Variants in SGCD observed in about 807,000 individuals in gnomAD.
The protein encoded by SGCD is delta-sarcoglycan.
Under a neutral mutation model 36.6 loss-of-function variants are expected in SGCD, and 18 were observed. That is an observed-to-expected ratio of 0.49 (90% CI 0.34 to 0.73). The LOEUF is 0.73. Ranked by LOEUF, SGCD falls within the 30% of genes least tolerant of loss-of-function variation. SGCD has a pLI of 0.01. For missense variants in SGCD, 387 were observed against 346.7 expected, an observed-to-expected ratio of 1.12 and a Z score of -0.92; for synonymous variants, 133 against 130.6, an observed-to-expected ratio of 1.02 and a Z score of -0.12.
intron 3 of SGCD, among the ~76,000 whole-genome samples, chr5:156,139,890 C>T (rs1487590322): frequency 6.6e-6 from 1 of 152,116 alleles, no homozygotes; most frequent in Non-Finnish European, 1.5e-5. Context: ...GGTTTCATCC[C>T]TCAGGAATGA....
intron 1 of SGCD, among the ~76,000 whole-genome samples, chr5:156,095,775 G>A (rs1581096665): frequency 6.6e-6 from 1 of 152,316 alleles, no homozygotes; most frequent in African/African-American, 2.4e-5. Flanking sequence ...TGGGTAAAGA[G>A]TCCCACAGCC....
At chr5:155,884,176 C>G (rs768689673) in intron 1 of SGCD, among the ~76,000 whole-genome samples, 12 of 152,110 alleles carry the variant, frequency 7.9e-5, no homozygotes, top group African/African-American at 2.7e-4. Context: ...AATCCTTTAC[C>G]GAGGTGATTC....
At chr5:156,011,726 C>T (rs112532353) in intron 1 of SGCD, among the ~76,000 whole-genome samples, 52 of 152,266 alleles carry the variant, frequency 3.4e-4, no homozygotes, top group African/African-American at 1.3e-3. Flanking sequence ...GCGTGCGCCT[C>T]GGTGCCTGGC....
chr5:156,583,398 C>T (rs1760363564), intron 4 of SGCD, among the ~76,000 whole-genome samples: 1 of 152,166 alleles, frequency 6.6e-6, no homozygotes, highest in South Asian at 2.1e-4. Context: ...TTCTCATTCC[C>T]AAGCCCCATC....
intron 3 of SGCD, among the ~76,000 whole-genome samples, chr5:156,350,316 G>C (rs1444645387): frequency 7.0e-6 from 1 of 142,832 alleles, no homozygotes; most frequent in African/African-American, 2.5e-5. Flanking sequence ...TGATTATTTT[G>C]TATGTTTGGT....
At chr5:156,471,821 A>C (rs1754977477) in intron 3 of SGCD, among the ~76,000 whole-genome samples, 1 of 152,136 alleles carries the variant, frequency 6.6e-6, no homozygotes, top group South Asian at 2.1e-4. Context: ...TCATCAAAAG[A>C]CACCATTAAG....
intron 7 of SGCD, among the ~76,000 whole-genome samples, chr5:156,727,561 C>G (rs905810046): frequency 2.0e-5 from 3 of 152,130 alleles, no homozygotes; most frequent in Non-Finnish European, 2.9e-5. Context: ...AAAAACTCAG[C>G]AGAAGTTGGC....
At chr5:156,177,193 G>A (rs1316580815) in intron 3 of SGCD, among the ~76,000 whole-genome samples, 1 of 151,858 alleles carries the variant, frequency 6.6e-6, no homozygotes, top group Non-Finnish European at 1.5e-5. Context: ...GTAGAGACGG[G>A]GTTTTACCAT....
chr5:156,564,982 G>A (rs1309715712), intron 4 of SGCD, among the ~76,000 whole-genome samples: 2 of 152,154 alleles, frequency 1.3e-5, no homozygotes, highest in African/African-American at 2.4e-5. Context: ...GAGATTCAAA[G>A]TCAGAAAGTC....
Position 156,760,226 on chromosome 5 carries a change from C to CTGTT in SGCD, c.*838_*841dup, listed in dbSNP as rs1327937996. On this transcript the variant is annotated 3_prime_UTR_variant, in exon 9 of 9. Coordinates refer to ENST00000337851, the MANE Select transcript of SGCD (RefSeq NM_000337.6). The stretch of plus-strand genomic sequence containing the variant: ...CAATGAACAAACGGGTGATATGTCT[C>CTGTT]TGTTTAAGGGAAAAATGGCTTAAAA... The CTGTT allele has an allele frequency of 6.6e-6, 1 of 152,194 alleles. No homozygotes were observed. Among genetic ancestry groups the CTGTT allele is most frequent in the Non-Finnish European group, 1.5e-5 (1 of 68,046 alleles). 9.4% of individuals were successfully genotyped at this position (152,194 alleles called of 1,614,324 possible).
At chr5:155,941,395 G>A (rs1309080706) in intron 1 of SGCD, among the ~76,000 whole-genome samples, 2 of 151,992 alleles carry the variant, frequency 1.3e-5, no homozygotes, top group South Asian at 2.1e-4. Flanking sequence ...AAAGGGACAG[G>A]AAACTATGGA....
chr5:156,704,285 A>G (rs914820872), intron 7 of SGCD: 1 of 152,200 alleles, frequency 6.6e-6, no homozygotes, highest in Non-Finnish European at 1.5e-5. Context: ...TCTGAAAGAA[A>G]GAGAAATAAT....
chr5:156,338,966 C>G (rs1003758772), intron 2 of SGCD, among the ~76,000 whole-genome samples: 1 of 150,072 alleles, frequency 6.7e-6, no homozygotes, highest in Non-Finnish European at 1.5e-5. Context: ...GACTCTAATG[C>G]TATGCAATCC....
intron 1 of SGCD, among the ~76,000 whole-genome samples, chr5:156,088,506 T>G (rs1199741478): frequency 3.3e-5 from 5 of 151,978 alleles, no homozygotes; most frequent in Non-Finnish European, 7.4e-5. Context: ...TTTGTTTGTT[T>G]GTTTGTTTGT....
intron 7 of SGCD, 105 bp from the exon 8 acceptor site, chr5:156,757,476 G>A: frequency 1.4e-6 from 1 of 737,554 alleles, no homozygotes; most frequent in South Asian, 2.3e-5. Context: ...AAAATTCTCT[G>A]ATCAAATACT....
chr5:156,185,212 CTTTTTTT>C (rs755578762), intron 3 of SGCD, among the ~76,000 whole-genome samples: 1,910 of 113,264 alleles, frequency 0.017, 44 homozygotes, highest in African/African-American at 0.062. Flanking sequence ...CTTTAATTTT[CTTTTTTT>C]TTTTTTTTTT....
chr5:156,679,253 A>G (rs566437037), intron 7 of SGCD, among the ~76,000 whole-genome samples: 2 of 152,252 alleles, frequency 1.3e-5, no homozygotes, highest in Admixed American at 1.3e-4. Context: ...TGTTCTGTCA[A>G]TGTATTCAGT....
chr5:155,835,340 A>C, the SGCD span, among the ~76,000 whole-genome samples: 5 of 152,224 alleles, frequency 3.3e-5, no homozygotes, highest in South Asian at 1.0e-3. Flanking sequence ...AAAAACCTTT[A>C]TCACAAAAGT....
intron 4 of SGCD, among the ~76,000 whole-genome samples, chr5:156,556,286 A>G (rs962771004): frequency 2.6e-5 from 4 of 152,038 alleles, no homozygotes; most frequent in African/African-American, 9.7e-5. Context: ...TTTGTTGCCT[A>G]AAGCCTCTAT....
Sources: gnomAD v4.1 joint callset for allele counts (sites outside exome capture counted in the v4.1 genomes callset) on GRCh38, gnomAD v4.1.1 for gene constraint, MANE v1.5 for transcripts, NCBI Gene and HGNC (gene_info 2026-07-23, HGNC 2026-07-21) for gene names.